Variants in SEPTIN9 observed in about 807,000 individuals in gnomAD.
SEPTIN9 encodes the protein septin-9.
Under a neutral mutation model 56.6 loss-of-function variants are expected in SEPTIN9, and 13 were observed. The ratio of observed to expected loss-of-function variants is 0.23; its 90% confidence interval spans 0.15 to 0.37. SEPTIN9 has a LOEUF of 0.37. Ranked by LOEUF, SEPTIN9 falls within the 10% of genes least tolerant of loss-of-function variation. The pLI is 1.00. For synonymous variants in SEPTIN9, 332 were observed against 334.1 expected, an observed-to-expected ratio of 0.99 and a Z score of 0.07; for missense variants, 650 against 823.1, an observed-to-expected ratio of 0.79 and a Z score of 2.57.
intron 3 of SEPTIN9, among the ~76,000 whole-genome samples, chr17:77,473,228 C>T (rs2039076771): frequency 6.6e-6 from 1 of 152,182 alleles, no homozygotes; most frequent in Non-Finnish European, 1.5e-5. Flanking sequence ...CATCTTCCAC[C>T]TTGAATAATT....
At chr17:77,493,132 G>C in intron 10 of SEPTIN9, 56 bp downstream of exon 10, 1 of 1,389,846 alleles carries the variant, frequency 7.2e-7, no homozygotes. Flanking sequence ...CTCTTCTGCT[G>C]ACCCAGAGCC....
Position 77,317,839 on chromosome 17 carries a change from T to C in SEPTIN9, c.76+10642T>C, listed in dbSNP as rs1453368430. 6.6e-6 allele frequency among the ~76,000 whole-genome samples: 1 copy of C among 151,970 alleles called. No individual in the cohort carries two copies. The highest frequency in any genetic ancestry group is 2.4e-5 in the African/African-American group (1 of 41,358). ...AGGCCAAGGCTGGCGGATCACGAGG[T>C]CAGGAGTTCAAGATCAGCCTGGCCA... On this transcript the variant is annotated intron_variant, in intron 2 of 11. Transcript: ENST00000427177. The surrounding 1 kb of genome is among the most constrained non-coding windows in gnomAD (Gnocchi z 4.2).
At chr17:77,431,147 T>C (rs1245902855) in intron 3 of SEPTIN9, among the ~76,000 whole-genome samples, 11 of 152,082 alleles carry the variant, frequency 7.2e-5, no homozygotes, top group Admixed American at 7.2e-4. Flanking sequence ...TCGAGACCAG[T>C]CTGGGCAACA....
chr17:77,328,274 A>G (rs2033224170), intron 2 of SEPTIN9, among the ~76,000 whole-genome samples: 1 of 152,202 alleles, frequency 6.6e-6, no homozygotes. Context: ...CAGCTGTGAA[A>G]TGCCTGCTGT....
intron 2 of SEPTIN9, among the ~76,000 whole-genome samples, chr17:77,354,171 G>A (rs73371470): frequency 0.024 from 3,687 of 152,288 alleles, 152 homozygotes; most frequent in African/African-American, 0.084. Flanking sequence ...TTTTGTGCCA[G>A]ATGCTGTTCT....
At chr17:77,328,203 T>C (rs556196154) in intron 2 of SEPTIN9, among the ~76,000 whole-genome samples, 7 of 151,362 alleles carry the variant, frequency 4.6e-5, no homozygotes, top group Admixed American at 4.6e-4. Flanking sequence ...ATGCCCAGGG[T>C]GTCCCCATGC....
rs1352081688 is a variant in SEPTIN9 at position 77,327,040 on chromosome 17, T to C, written c.76+19843T>C. Among the ~76,000 whole-genome samples the C allele has an allele frequency of 6.6e-6, 1 of 151,384 alleles. No individual in the cohort carries two copies. Among genetic ancestry groups the C allele is most frequent in the Non-Finnish European group, 1.5e-5 (1 of 67,826 alleles). ...CTTTGTAATATCCTTTATAATAAAC[T>C]AGTAAATTCCATGAGCCCCAGGAAC... On this transcript the variant is annotated intron_variant, in intron 2 of 11. Coordinates refer to ENST00000427177, the MANE Select transcript of SEPTIN9 (RefSeq NM_001113491.2). The surrounding 1 kb of genome is among the most constrained non-coding windows in gnomAD (Gnocchi z 5.0).
At chr17:77,305,468 G>C (rs1819186790) in intron 1 of SEPTIN9, among the ~76,000 whole-genome samples, 1 of 152,118 alleles carries the variant, frequency 6.6e-6, no homozygotes, top group African/African-American at 2.4e-5. Context: ...TCAAGGCTCA[G>C]CTTTGTCCTC....
intron 1 of SEPTIN9, among the ~76,000 whole-genome samples, chr17:77,305,833 C>T (rs1403291625): frequency 6.9e-6 from 1 of 144,998 alleles, no homozygotes; most frequent in Non-Finnish European, 1.5e-5. Context: ...AAGCTGGCTG[C>T]ACCCATTTCC....
In SEPTIN9 at chr17:77,488,226, G is replaced by A. The variant is rs753850647; in HGVS notation, c.1043-14G>A. ...CCGTCTCCCCTCTGACTCTGCGTCC[G>A]TGGCTCTGTGCAGATATTGAGGAGA... On this transcript the variant is annotated splice_polypyrimidine_tract_variant and intron_variant, in intron 5 of 11. Coordinates refer to ENST00000427177, the MANE Select transcript of SEPTIN9 (RefSeq NM_001113491.2). The A allele has an allele frequency of 1.7e-5, 27 of 1,613,400 alleles. No individual in the cohort carries two copies. Among genetic ancestry groups the A allele is most frequent in the Middle Eastern group, 1.7e-4 (1 of 6,060 alleles).
chr17:77,484,217 A>C (rs1380941100), intron 4 of SEPTIN9: 1 of 120,620 alleles, frequency 8.3e-6, no homozygotes, highest in Admixed American at 8.0e-5. Context: ...AATGACGGTG[A>C]TGATGATGGG....
chr17:77,462,067 A>G (rs2144505322), intron 3 of SEPTIN9, among the ~76,000 whole-genome samples: 1 of 152,364 alleles, frequency 6.6e-6, no homozygotes, highest in Non-Finnish European at 1.5e-5. Context: ...TGATCAGAAC[A>G]AAATCTGAGA....
At chr17:77,458,054 G>A (rs1054296573) in intron 3 of SEPTIN9, among the ~76,000 whole-genome samples, 3 of 151,960 alleles carry the variant, frequency 2.0e-5, no homozygotes, top group African/African-American at 7.2e-5. Context: ...GTCCCGATGA[G>A]AGGGCTGCAG....
chr17:77,362,720 C>T (rs1003573667), intron 2 of SEPTIN9, among the ~76,000 whole-genome samples: 4 of 152,178 alleles, frequency 2.6e-5, no homozygotes, highest in South Asian at 2.1e-4. Context: ...TCAACACGTT[C>T]GTCACACGCT....
chr17:77,482,432 T>C (rs764364895), intron 4 of SEPTIN9, 97 bp downstream of exon 4: 3 of 1,244,514 alleles, frequency 2.4e-6, no homozygotes, highest in Non-Finnish European at 3.4e-6. Context: ...TTCCCTTCTG[T>C]AAAATGGGGC....
intron 3 of SEPTIN9, chr17:77,469,620 A>G (rs2038891597): frequency 6.6e-6 from 1 of 152,188 alleles, no homozygotes; most frequent in South Asian, 2.1e-4. Context: ...GGTGTTCCAG[A>G]GAGGATGAAA....
intron 3 of SEPTIN9, chr17:77,454,235 C>T: frequency 1.0e-6 from 1 of 985,552 alleles, no homozygotes. Flanking sequence ...CAGCGTCCCA[C>T]AGCCACTCTT....
Position 77,475,784 on chromosome 17 carries a change from G to A in SEPTIN9, c.722-6360G>A. The A allele has an allele frequency of 6.2e-7, 1 of 1,613,310 alleles. No individual in the cohort carries two copies. The highest frequency in any genetic ancestry group is 8.5e-7 in the Non-Finnish European group (1 of 1,179,886). On this transcript the variant is annotated intron_variant, in intron 3 of 11. Transcript: ENST00000427177. The surrounding 1 kb of genome is among the most constrained non-coding windows in gnomAD (Gnocchi z 4.6). The stretch of plus-strand genomic sequence containing the variant: ...GGACACGGGCCTGGAAGGCTGACAG[G>A]GTGTGGTGAGTGCCACCGGCTCCCC...
Position 77,449,654 on chromosome 17 carries a change from G to A in SEPTIN9, c.722-32490G>A, listed in dbSNP as rs74674216. Among the ~76,000 whole-genome samples the A allele has an allele frequency of 0.045, 6,831 of 152,268 alleles. 488 individuals are homozygous for A. Among genetic ancestry groups the A allele is most frequent in the African/African-American group, 0.15 (6,349 of 41,514 alleles). On this transcript the variant is annotated intron_variant, in intron 3 of 11. Coordinates refer to ENST00000427177, the MANE Select transcript of SEPTIN9 (RefSeq NM_001113491.2). This position sits in a 1 kb window ranked among gnomAD's most constrained non-coding sequence, Gnocchi z 4.6. The stretch of plus-strand genomic sequence containing the variant: ...GACCCTGACACCTGGCCAGAAAGGA[G>A]TTCCTTCTGGCATCCTTTGTCAGCG...
Sources: allele counts gnomAD v4.1 joint callset (sites outside exome capture counted in the v4.1 genomes callset), GRCh38; gene constraint gnomAD v4.1.1; non-coding constraint Gnocchi (gnomAD v3.1); transcripts MANE v1.5; gene names NCBI Gene and HGNC (gene_info 2026-07-23, HGNC 2026-07-21).